Variants in NPAS3 observed in about 807,000 individuals in gnomAD.
NPAS3 encodes neuronal PAS domain protein 3, also known as neuronal PAS domain-containing protein 3.
In NPAS3, 14 loss-of-function variants were observed where a neutral mutation model predicts 73.1. That is an observed-to-expected ratio of 0.19 (90% CI 0.13 to 0.30). The LOEUF is 0.30. NPAS3 is among the 10% of genes least tolerant of loss of function. NPAS3 has a pLI of 1.00. For synonymous variants in NPAS3, 620 were observed against 541.5 expected (o/e 1.14, Z -2.01); for missense variants, 1,096 against 1,250.0 (o/e 0.88, Z 1.86).
rs190090032 is a variant in NPAS3, at chr14:33,789,777, G to T, written c.1154-4120G>T. Among the ~76,000 whole-genome samples, 4 of 148,586 alleles carry T rather than the reference G, an allele frequency of 2.7e-5. No individual in the cohort carries two copies. The East Asian group carries it at 7.9e-4, about 29-fold the overall frequency. On this transcript the variant is annotated intron_variant, in intron 9 of 11. Coordinates refer to ENST00000356141, the Ensembl canonical transcript of NPAS3. Reference sequence around the variant, plus strand: ...CTAATTTTTTGTATTTTTTAGTAGAGACAGGGTTTCACCGTTTTAGCCGGG... The same window carrying T: ...CTAATTTTTTGTATTTTTTAGTAGATACAGGGTTTCACCGTTTTAGCCGGG...
At position 33,049,248 on chromosome 14, in the gene NPAS3, GT is replaced by G. The variant is rs1344917363; in HGVS notation, c.51-6653del. 2.6e-5 allele frequency among the ~76,000 whole-genome samples: 4 copies of G among 152,304 alleles called. No homozygotes were observed. In the East Asian group the frequency reaches 7.7e-4, roughly 29 times the overall value. On this transcript the variant is annotated intron_variant, in intron 1 of 11. Transcript: ENST00000356141. ...TGTTGTTCCAGATACTGTGGTAAGT[GT>G]TTTACATCACCATCTCTAACCCATG...
chr14:33,123,230 T>C (rs1279126332), intron 2 of NPAS3, among the ~76,000 whole-genome samples: 3 of 152,050 alleles, frequency 2.0e-5, no homozygotes, highest in Admixed American at 6.6e-5. Flanking sequence ...CATGTTTAGA[T>C]CATCACGGGA....
intron 2 of NPAS3, among the ~76,000 whole-genome samples, chr14:33,175,823 C>T (rs554805550): frequency 0.032 from 580 of 17,938 alleles, 2 homozygotes; most frequent in Admixed American, 0.07. Flanking sequence ...ATTTGTAAAA[C>T]GTTATCATTT....
At chr14:32,971,260 T>G (rs375694583) in intron 1 of NPAS3, among the ~76,000 whole-genome samples, 1 of 152,104 alleles carries the variant, frequency 6.6e-6, no homozygotes, top group East Asian at 1.9e-4. Flanking sequence ...AATTTTTGTA[T>G]TTTTAGTAGA....
At chr14:33,123,355 T>A (rs1410469511) in intron 2 of NPAS3, among the ~76,000 whole-genome samples, 1 of 152,056 alleles carries the variant, frequency 6.6e-6, no homozygotes, top group Non-Finnish European at 1.5e-5. Flanking sequence ...AAGAGCACCG[T>A]GTCAGGGATT....
chr14:33,284,665 G>A (rs1470552459), intron 3 of NPAS3, among the ~76,000 whole-genome samples: 1 of 151,984 alleles, frequency 6.6e-6, no homozygotes, highest in African/African-American at 2.4e-5. Flanking sequence ...TGTTTCTTAA[G>A]GAAAAAGCAA....
chr14:33,545,964 G>C (rs2054824036), intron 4 of NPAS3, among the ~76,000 whole-genome samples: 1 of 152,188 alleles, frequency 6.6e-6, no homozygotes. Flanking sequence ...GCAGTCAAGG[G>C]AACCTGCTCT....
intron 5 of NPAS3, among the ~76,000 whole-genome samples, chr14:33,614,115 T>G (rs2057839880): frequency 6.6e-6 from 1 of 152,226 alleles, no homozygotes. Flanking sequence ...GACTTATCAC[T>G]GAATACAGAT....
At chr14:33,389,750 GCTTT>G (rs1007451631) in intron 4 of NPAS3, among the ~76,000 whole-genome samples, 1 of 152,034 alleles carries the variant, frequency 6.6e-6, no homozygotes, top group Non-Finnish European at 1.5e-5. Context: ...AATGTGATTA[GCTTT>G]CTTTTATAAA....
chr14:33,723,395 T>A (rs529359558), intron 6 of NPAS3, among the ~76,000 whole-genome samples: 2 of 152,268 alleles, frequency 1.3e-5, no homozygotes, highest in East Asian at 3.9e-4. Context: ...AATATTTGGA[T>A]CATACTAAAA....
intron 2 of NPAS3, among the ~76,000 whole-genome samples, chr14:33,082,167 A>T (rs2138729016): frequency 6.6e-6 from 1 of 152,308 alleles, no homozygotes; most frequent in Non-Finnish European, 1.5e-5. Context: ...GCCTGACTGA[A>T]AATTTTAAAA....
intron 5 of NPAS3, among the ~76,000 whole-genome samples, chr14:33,602,045 G>A (rs2057414100): frequency 6.6e-6 from 1 of 152,212 alleles, no homozygotes. Flanking sequence ...TCCTGACAGA[G>A]CCTGGAGGAC....
At chr14:33,269,868 A>G (rs920025381) in intron 3 of NPAS3, among the ~76,000 whole-genome samples, 5 of 152,168 alleles carry the variant, frequency 3.3e-5, no homozygotes, top group African/African-American at 1.2e-4. Flanking sequence ...TCAACCAGTG[A>G]TTTACAGAAC....
chr14:33,544,785 GTATTATATATATATATATATATATA>G lies in NPAS3; in HGVS notation c.469-15334_469-15310del, dbSNP rs1271029607. 2.8e-3 allele frequency among the ~76,000 whole-genome samples: 157 copies of G among 56,852 alleles called. 7 individuals are homozygous for G. Among genetic ancestry groups the G allele is most frequent in the African/African-American group, 0.016 (145 of 9,328 alleles). 37.3% of individuals were successfully genotyped at this position (56,852 alleles called of 152,430 possible). A position where few individuals can be genotyped will look rare whatever the true frequency, so the allele number is the denominator to read the frequency against. On this transcript the variant is annotated intron_variant, in intron 4 of 11. Coordinates refer to ENST00000356141, the Ensembl canonical transcript of NPAS3. Reference sequence around the variant, plus strand: ...TATGCATGTATGTGTTTATGTGTGTGTATTATATATATATATATATATATATGTATATATAATATATATGTGTATA... The same window carrying G: ...TATGCATGTATGTGTTTATGTGTGTGTGTATATATAATATATATGTGTATA...
At chr14:33,065,709 C>T (rs1213653634) in intron 2 of NPAS3, among the ~76,000 whole-genome samples, 1 of 151,950 alleles carries the variant, frequency 6.6e-6, no homozygotes, top group Non-Finnish European at 1.5e-5. Flanking sequence ...GGGCCTTGCT[C>T]TTTGCTTGTT....
intron 4 of NPAS3, among the ~76,000 whole-genome samples, chr14:33,409,153 G>T (rs2047801178): frequency 1.3e-5 from 2 of 152,140 alleles, no homozygotes; most frequent in African/African-American, 4.8e-5. Flanking sequence ...AGCTCCAGGT[G>T]ATATGTTTAA....
At chr14:33,299,367 G>C (rs2042432192) in intron 3 of NPAS3, among the ~76,000 whole-genome samples, 1 of 152,116 alleles carries the variant, frequency 6.6e-6, no homozygotes, top group African/African-American at 2.4e-5. Context: ...ATGGACATCT[G>C]AGTCTTCTGC....
chr14:33,371,493 T>C (rs2046085741), intron 4 of NPAS3, among the ~76,000 whole-genome samples: 1 of 152,200 alleles, frequency 6.6e-6, no homozygotes, highest in Non-Finnish European at 1.5e-5. Context: ...AATTATATGC[T>C]CTTCAGCAAT....
intron 1 of NPAS3, among the ~76,000 whole-genome samples, chr14:32,948,645 G>A (rs2036362549): frequency 6.6e-6 from 1 of 152,064 alleles, no homozygotes; most frequent in Non-Finnish European, 1.5e-5. Flanking sequence ...AATCCATGCA[G>A]TATTGGTTCA....
Sources: allele counts gnomAD v4.1 joint callset (sites outside exome capture counted in the v4.1 genomes callset), GRCh38; gene constraint gnomAD v4.1.1; transcripts MANE v1.5; gene names NCBI Gene and HGNC (gene_info 2026-07-23, HGNC 2026-07-21).